SERPINH1: variants seen among roughly 807,000 people sequenced by gnomAD.
The protein encoded by SERPINH1 is serpin H1.
Under a neutral mutation model 32.3 loss-of-function variants are expected in SERPINH1, and 22 were observed. That is an observed-to-expected ratio of 0.68 (90% CI 0.49 to 0.97). The LOEUF (loss-of-function observed/expected upper bound fraction) is 0.97. SERPINH1 is among the 50% of genes least tolerant of loss of function. The pLI is 0.00. For missense variants in SERPINH1, 543 were observed against 576.4 expected (o/e 0.94, Z 0.59); for synonymous variants, 251 against 245.9 (o/e 1.02, Z -0.19).
In SERPINH1 at chr11:75,569,100, G is replaced by C. The variant is rs1452624175; in HGVS notation, c.883G>C (p.Gly295Arg). 7 of 1,614,100 alleles carry C rather than the reference G, an allele frequency of 4.3e-6. No homozygotes were observed. The highest frequency in any genetic ancestry group is 5.9e-6 in the Non-Finnish European group (7 of 1,180,028). The change falls in exon 4 of 5, where the codon GGG (glycine) becomes CGG (arginine). Residue 295 changes from glycine to arginine, a missense_variant. Physicochemically the swap from Gly to Arg is moderately radical, Grantham distance 125. Around this residue, in one of 3 missense-constraint regions of SERPINH1, gnomAD observed 427 missense variants for 446.4 expected, o/e 0.96. Coordinates refer to ENST00000358171, the MANE Select transcript of SERPINH1 (RefSeq NM_001235.5). ...LTKEQLKIWM[G>R]KMQKKAVAIS... Reference sequence around the variant, plus strand: ...CAAAGAGCAGCTGAAGATCTGGATGGGGAAGATGCAGAAGAAGGCTGTTGC... The same window carrying C: ...CAAAGAGCAGCTGAAGATCTGGATGCGGAAGATGCAGAAGAAGGCTGTTGC...
Position 75,566,830 on chromosome 11 carries a change from A to C in SERPINH1, c.481A>C (p.Ile161Leu), listed in dbSNP as rs112083274. ...KQHYNCEHSK[I>L]NFRDKRSALQ... Reference sequence around the variant, plus strand: ...GCACTACAACTGCGAGCACTCCAAGATCAACTTCCGCGACAAGCGCAGCGC... The same window carrying C: ...GCACTACAACTGCGAGCACTCCAAGCTCAACTTCCGCGACAAGCGCAGCGC... Residue 161 changes from isoleucine (I) to leucine (L), a missense_variant, in exon 2 of 5, where the codon ATC (isoleucine) becomes CTC (leucine). Ile to Leu is a conservative substitution (Grantham distance 5). Transcript: ENST00000358171. 226 of 1,612,966 alleles carry C rather than the reference A, an allele frequency of 1.4e-4. No individual in the cohort carries two copies. Among genetic ancestry groups the C allele is most frequent in the African/African-American group, 5.6e-4 (42 of 75,062 alleles).
Position 75,566,594 on chromosome 11 carries a change from C to T in SERPINH1, c.245C>T (p.Ser82Leu), listed in dbSNP as rs1275419791. The T allele has an allele frequency of 6.2e-7, 1 of 1,608,222 alleles. No homozygotes were observed. Among genetic ancestry groups the T allele is most frequent in the African/African-American group, 1.3e-5 (1 of 74,948 alleles). Residue 82 changes from serine (S) to leucine (L), a missense_variant, in exon 2 of 5, where the codon TCG becomes TTG. Ser to Leu is a moderately radical substitution (Grantham distance 145). Coordinates refer to ENST00000358171, the MANE Select transcript of SERPINH1 (RefSeq NM_001235.5). ...VVVASSLGLV[S>L]LGGKATTASQ... is the part of the protein sequence containing the mutation. ...GTGGCCTCGTCGCTAGGGCTCGTGT[C>T]GCTGGGCGGCAAGGCGACCACGGCG...
intron 2 of SERPINH1, chr11:75,568,461 G>A (rs1942130750): frequency 1.9e-6 from 1 of 513,906 alleles, no homozygotes; most frequent in Non-Finnish European, 3.6e-6. Flanking sequence ...GCTGACCTGA[G>A]GGCGGAATTA....
chr11:75,568,648 C>T (rs1360487119), intron 2 of SERPINH1, 83 bp from the exon 3 acceptor site: 2 of 881,550 alleles, frequency 2.3e-6, no homozygotes, highest in African/African-American at 3.3e-5. Flanking sequence ...AAATCAAGGT[C>T]TGCAGCCGGG....
In SERPINH1 at chr11:75,568,941, C is replaced by G; in HGVS notation, c.724C>G (p.Leu242Val). 1 of 1,613,910 alleles carries G rather than the reference C, an allele frequency of 6.2e-7. No individual in the cohort carries two copies. The change falls in exon 4 of 5, where the codon CTC becomes GTC. Residue 242 changes from leucine (L) to valine (V), a missense_variant and splice_region_variant. Physicochemically the swap from Leu to Val is conservative, Grantham distance 32 (BLOSUM62 1). This residue lies in a region of SERPINH1 where 427 missense variants were observed against 446.4 expected (regional missense o/e 0.96). Coordinates refer to ENST00000358171, the MANE Select transcript of SERPINH1 (RefSeq NM_001235.5). ...TGTCCTTTCCGCTCCTCTCCCAGGC[C>G]TCTACAACTACTACGACGACGAGAA... ...VGVMMMHRTG[L>V]YNYYDDEKEK...
At chr11:75,568,663 G>C in intron 2 of SERPINH1, 68 bp from the exon 3 acceptor site, 1 of 1,017,572 alleles carries the variant, frequency 9.8e-7, no homozygotes, top group Non-Finnish European at 1.6e-6. Flanking sequence ...GCCGGGGGTG[G>C]CTGTGGGCTG....
At position 75,566,353 on chromosome 11, in the gene SERPINH1, C is replaced by T. The variant is rs1179959048; in HGVS notation, c.4C>T (p.Arg2Cys). The T allele has an allele frequency of 6.2e-7, 1 of 1,607,922 alleles. No homozygotes were observed. Among genetic ancestry groups the T allele is most frequent in the Non-Finnish European group, 8.5e-7 (1 of 1,177,956 alleles). Residue 2 changes from arginine (R) to cysteine (C), a missense_variant, in exon 2 of 5, where the codon CGC becomes TGC. Arg to Cys is a radical substitution (Grantham distance 180). This residue lies in a region of SERPINH1 where 109 missense variants were observed against 102.4 expected (regional missense o/e 1.06). Coordinates refer to ENST00000358171, the MANE Select transcript of SERPINH1 (RefSeq NM_001235.5). The part of the protein sequence containing the change: M[R>C]SLLLLSAFCL... The stretch of plus-strand genomic sequence containing the variant: ...GCACGCAAACCACTTCCTGGCCATG[C>T]GCTCCCTCCTGCTTCTCAGCGCCTT...
chr11:75,572,065 G>A lies in SERPINH1; in HGVS notation c.1239G>A (p.Lys413=). The A allele has an allele frequency of 3.1e-6, 5 of 1,614,132 alleles. No individual in the cohort carries two copies. In the South Asian group the frequency reaches 4.4e-5, roughly 14 times the overall value. Reference sequence around the variant, plus strand: ...GCCTGGTCCGGCCTAAGGGTGACAAGATGCGAGACGAGTTATAGGGCCTCA... The same window carrying A: ...GCCTGGTCCGGCCTAAGGGTGACAAAATGCGAGACGAGTTATAGGGCCTCA... ...IGRLVRPKGD[K]MRDEL is the part of the protein sequence containing the mutation. Residue 413 remains lysine (K), a synonymous_variant, in exon 5 of 5, where the codon AAG becomes AAA. Transcript: ENST00000358171.
At chr11:75,570,247 G>A (rs969925448) in intron 4 of SERPINH1, among the ~76,000 whole-genome samples, 1 of 152,114 alleles carries the variant, frequency 6.6e-6, no homozygotes, top group South Asian at 2.1e-4. Context: ...CTGCAGAATC[G>A]ATCCAGACTT....
Position 75,568,834 on chromosome 11 carries a change from G to A in SERPINH1, c.721+5G>A. 1 of 1,612,742 alleles carries A rather than the reference G, an allele frequency of 6.2e-7. No individual in the cohort carries two copies. Among genetic ancestry groups the A allele is most frequent in the Non-Finnish European group, 8.5e-7 (1 of 1,178,722 alleles). The stretch of plus-strand genomic sequence containing the variant: ...TCATGATGATGCACCGGACAGGTAG[G>A]TGCTGTGAGGAGCAGGGTGTCAAGG... On this transcript the variant is annotated splice_donor_5th_base_variant and intron_variant, in intron 3 of 4. Coordinates refer to ENST00000358171, the MANE Select transcript of SERPINH1 (RefSeq NM_001235.5).
chr11:75,570,840 A>G (rs376705810), intron 4 of SERPINH1, among the ~76,000 whole-genome samples: 2 of 152,234 alleles, frequency 1.3e-5, no homozygotes, highest in African/African-American at 4.8e-5. Flanking sequence ...AGGAAGGTCC[A>G]GGGAGGCACC....
intron 4 of SERPINH1, among the ~76,000 whole-genome samples, chr11:75,570,553 G>A (rs940384860): frequency 1.3e-5 from 2 of 152,200 alleles, no homozygotes; most frequent in Admixed American, 1.3e-4. Flanking sequence ...GATGACGTGT[G>A]CAAGGTCATC....
At position 75,572,195 on chromosome 11, in the gene SERPINH1, TG is replaced by T; in HGVS notation, c.*117del. ...TACCAGCCTTGGATACTCCATGGGG[TG>T]GGGGTGGAAAAACAGACCGGGGTTC... On this transcript the variant is annotated 3_prime_UTR_variant, in exon 5 of 5. Coordinates refer to ENST00000358171, the MANE Select transcript of SERPINH1 (RefSeq NM_001235.5). 1.1e-6 allele frequency: 1 copy of T among 872,818 alleles called. No individual in the cohort carries two copies. 54.1% of individuals were successfully genotyped at this position (872,818 alleles called of 1,614,324 possible).
In SERPINH1 at chr11:75,566,442, C is replaced by A. The variant is rs760886586; in HGVS notation, c.93C>A (p.Gly31=). 12 of 1,612,124 alleles carry A rather than the reference C, an allele frequency of 7.4e-6. No individual in the cohort carries two copies. The highest frequency in any genetic ancestry group is 1.0e-5 in the Non-Finnish European group (12 of 1,179,736). ...AACCTGCAGCCGCAGCAGCTCCTGGCACTGCGGAGAAGTTGAGCCCCAAGG... is the reference window on the plus strand; with the variant it reads ...AACCTGCAGCCGCAGCAGCTCCTGGAACTGCGGAGAAGTTGAGCCCCAAGG... ...VKKPAAAAAP[G]TAEKLSPKAA... The change falls in exon 2 of 5, where the codon GGC becomes GGA. Residue 31 remains glycine, a synonymous_variant. Coordinates refer to ENST00000358171, the MANE Select transcript of SERPINH1 (RefSeq NM_001235.5).
chr11:75,571,242 C>A (rs1942190543), intron 4 of SERPINH1, among the ~76,000 whole-genome samples: 1 of 152,132 alleles, frequency 6.6e-6, no homozygotes, highest in East Asian at 1.9e-4. Context: ...CCCACTAATT[C>A]CCCCCTGCAT....
rs750583954 is a variant in SERPINH1 at position 75,566,389 on chromosome 11, G to A, written c.40G>A (p.Glu14Lys). Residue 14 changes from glutamate (E) to lysine (K), a missense_variant, in exon 2 of 5, where the codon GAG (glutamate) becomes AAG (lysine). Glu to Lys is a moderately conservative substitution (Grantham distance 56, BLOSUM62 1). Around this residue, in one of 3 missense-constraint regions of SERPINH1, gnomAD observed 109 missense variants for 102.4 expected, o/e 1.06. Coordinates refer to ENST00000358171, the MANE Select transcript of SERPINH1 (RefSeq NM_001235.5). ...GCTTCTCAGCGCCTTCTGCCTCCTG[G>A]AGGCGGCCCTGGCCGCCGAGGTGAA... ...LLLLSAFCLL[E>K]AALAAEVKKP... 1.2e-6 allele frequency: 2 copies of A among 1,610,526 alleles called. No individual in the cohort carries two copies. Among genetic ancestry groups the A allele is most frequent in the East Asian group, 4.5e-5 (2 of 44,842 alleles).
Position 75,566,762 on chromosome 11 carries a change from G to A in SERPINH1, c.413G>A (p.Ser138Asn). ...WKLGSRLYGP[S>N]SVSFADDFVR... ...CTGGGCAGCCGACTGTACGGACCCA[G>A]CTCAGTGAGCTTCGCTGATGACTTC... The change falls in exon 2 of 5, where the codon AGC (serine) becomes AAC (asparagine). Residue 138 changes from serine (S) to asparagine (N), a missense_variant. By Grantham distance (46) the Ser-to-Asn change is conservative (BLOSUM62 1). Transcript: ENST00000358171. The A allele has an allele frequency of 1.9e-6, 3 of 1,613,212 alleles. No individual in the cohort carries two copies. The highest frequency in any genetic ancestry group is 1.7e-6 in the Non-Finnish European group (2 of 1,179,958).
intron 1 of SERPINH1, among the ~76,000 whole-genome samples, chr11:75,564,238 G>A (rs1942035000): frequency 6.6e-6 from 1 of 152,208 alleles, no homozygotes; most frequent in Non-Finnish European, 1.5e-5. Context: ...TCACCACCAG[G>A]AGCAGGCGCT....
In SERPINH1 at chr11:75,566,448, G is replaced by C. The variant is rs767591495; in HGVS notation, c.99G>C (p.Ala33=). The C allele has an allele frequency of 3.1e-6, 5 of 1,612,306 alleles. No homozygotes were observed. Among genetic ancestry groups the C allele is most frequent in the Non-Finnish European group, 4.2e-6 (5 of 1,179,836 alleles). ...CAGCCGCAGCAGCTCCTGGCACTGC[G>C]GAGAAGTTGAGCCCCAAGGCGGCCA... ...KPAAAAAPGT[A]EKLSPKAATL... Residue 33 remains alanine (A), a synonymous_variant, in exon 2 of 5, where the codon GCG becomes GCC. Transcript: ENST00000358171.
Sources: gnomAD v4.1 joint callset for allele counts (sites outside exome capture counted in the v4.1 genomes callset) on GRCh38, gnomAD v4.1.1 for gene constraint, gnomAD v4.1.1 regional missense constraint, MANE v1.5 for transcripts, NCBI Gene and HGNC (gene_info 2026-07-23, HGNC 2026-07-21) for gene names.